Variants in DCLK3 observed in about 807,000 individuals in gnomAD.
DCLK3 encodes the protein serine/threonine-protein kinase DCLK3.
A neutral mutation model predicts 46.4 loss-of-function variants in DCLK3; 30 were observed. The observed-to-expected ratio is 0.65, with a 90% CI of 0.48 to 0.88. The LOEUF is 0.88. Ranked by LOEUF, DCLK3 falls within the 40% of genes least tolerant of loss-of-function variation. The pLI is 0.00. For synonymous variants in DCLK3, 401 were observed against 339.2 expected (o/e 1.18, Z -2.00); for missense variants, 846 against 907.1 (o/e 0.93, Z 0.87).
intron 2 of DCLK3, among the ~76,000 whole-genome samples, chr3:36,731,821 A>G (rs115242116): frequency 5.6e-4 from 85 of 152,150 alleles, no homozygotes; most frequent in African/African-American, 1.9e-3. Context: ...CTCCCCTCAC[A>G]TAAACCCTAA....
chr3:36,727,723 C>T (rs147631390), intron 2 of DCLK3, among the ~76,000 whole-genome samples: 3 of 152,232 alleles, frequency 2.0e-5, no homozygotes, highest in East Asian at 3.9e-4. Context: ...CCAGATGGCC[C>T]GATGTTTTTA....
intron 2 of DCLK3, among the ~76,000 whole-genome samples, chr3:36,726,796 G>C (rs936585933): frequency 6.6e-6 from 1 of 152,142 alleles, no homozygotes; most frequent in African/African-American, 2.4e-5. Flanking sequence ...TCTGCATATA[G>C]AAACTGACAT....
chr3:36,733,053 T>C (rs1701219106), intron 2 of DCLK3, among the ~76,000 whole-genome samples: 1 of 152,206 alleles, frequency 6.6e-6, no homozygotes. Context: ...TGCCCTGTCC[T>C]AGTCATATTC....
intron 1 of DCLK3, among the ~76,000 whole-genome samples, chr3:36,751,989 G>T (rs1701446484): frequency 6.6e-6 from 1 of 152,220 alleles, no homozygotes; most frequent in South Asian, 2.1e-4. Context: ...TCAACATTCT[G>T]TAGGGCCAGC....
chr3:36,715,244 C>A lies in DCLK3; in HGVS notation c.*84G>T, dbSNP rs553268158. The A allele has an allele frequency of 6.1e-6, 9 of 1,484,114 alleles. No homozygotes were observed. In the African/African-American group the frequency reaches 1.1e-4, roughly 19 times the overall value. The allele number at this position is 1,484,114 out of a possible 1,614,324, so 91.9% of individuals were successfully genotyped here. On this transcript the variant is annotated 3_prime_UTR_variant, in exon 5 of 5. Coordinates refer to ENST00000636136, the MANE Select transcript of DCLK3 (RefSeq NM_001394672.2). ...ATTCACCAATTATGTGAAGAAGCCT[C>A]TTTCATTGTTTTTCTCTCAAACTTC...
At chr3:36,746,359 T>C (rs28461770) in intron 1 of DCLK3, among the ~76,000 whole-genome samples, 4,917 of 152,322 alleles carry the variant, frequency 0.032, 276 homozygotes, top group African/African-American at 0.11. Flanking sequence ...CATCTCATGA[T>C]AACTTTGGAG....
chr3:36,752,580 A>G (rs1041719582), intron 1 of DCLK3, among the ~76,000 whole-genome samples: 1 of 152,174 alleles, frequency 6.6e-6, no homozygotes, highest in African/African-American at 2.4e-5. Context: ...GCATATAATT[A>G]CCCAGAGGTG....
chr3:36,760,386 A>C (rs1484870977), intron 1 of DCLK3, among the ~76,000 whole-genome samples: 1 of 151,998 alleles, frequency 6.6e-6, no homozygotes, highest in African/African-American at 2.4e-5. Context: ...ACAAAAAACC[A>C]AACACCGCAT....
chr3:36,760,313 A>T (rs1213450651), intron 1 of DCLK3, among the ~76,000 whole-genome samples: 1 of 152,200 alleles, frequency 6.6e-6, no homozygotes, highest in African/African-American at 2.4e-5. Flanking sequence ...AAGAAACAAC[A>T]TCTACATAGT....
intron 1 of DCLK3, among the ~76,000 whole-genome samples, chr3:36,741,739 T>C (rs570081249): frequency 6.6e-6 from 1 of 152,114 alleles, no homozygotes; most frequent in East Asian, 1.9e-4. Context: ...ACTGGTAACA[T>C]GGAGAAATGA....
At chr3:36,731,451 G>GCA (rs55823722) in intron 2 of DCLK3, among the ~76,000 whole-genome samples, 4,012 of 148,640 alleles carry the variant, frequency 0.027, 97 homozygotes, top group East Asian at 0.072. Flanking sequence ...CTTCGTGCGT[G>GCA]CACACACACA....
chr3:36,728,190 C>T (rs1350077736), intron 2 of DCLK3, among the ~76,000 whole-genome samples: 2 of 152,188 alleles, frequency 1.3e-5, no homozygotes, highest in East Asian at 1.9e-4. Context: ...TTTTCTAAAT[C>T]TGCCCTCTCC....
intron 1 of DCLK3, among the ~76,000 whole-genome samples, chr3:36,746,621 C>G (rs1196192676): frequency 6.6e-6 from 1 of 152,200 alleles, no homozygotes. Context: ...GAGCATTTTC[C>G]TCTCTTTCCA....
intron 1 of DCLK3, among the ~76,000 whole-genome samples, chr3:36,745,037 C>T (rs969844171): frequency 1.3e-5 from 2 of 152,188 alleles, no homozygotes; most frequent in South Asian, 2.1e-4. Context: ...CCTGATTCCA[C>T]GATGATCAGC....
intron 1 of DCLK3, among the ~76,000 whole-genome samples, chr3:36,759,839 A>T (rs1232012408): frequency 1.3e-5 from 2 of 152,082 alleles, no homozygotes; most frequent in African/African-American, 4.8e-5. Flanking sequence ...CCCTTTCTTA[A>T]CTCTCTTACC....
intron 1 of DCLK3, among the ~76,000 whole-genome samples, chr3:36,763,650 C>T (rs1042839440): frequency 6.6e-6 from 1 of 152,240 alleles, no homozygotes; most frequent in African/African-American, 2.4e-5. Flanking sequence ...AGCTCCGCTG[C>T]TATGGAGCCG....
At chr3:36,729,247 G>GT (rs767365816) in intron 2 of DCLK3, among the ~76,000 whole-genome samples, 1 of 98,454 alleles carries the variant, frequency 1.0e-5, no homozygotes, top group Non-Finnish European at 2.1e-5. Flanking sequence ...GTGTGTGTGT[G>GT]TGGGGGGGGG....
intron 2 of DCLK3, among the ~76,000 whole-genome samples, chr3:36,730,250 A>G (rs1452090489): frequency 6.6e-6 from 1 of 151,980 alleles, no homozygotes; most frequent in Non-Finnish European, 1.5e-5. Flanking sequence ...ATACCATAAT[A>G]CAAAAGTATG....
intron 1 of DCLK3, among the ~76,000 whole-genome samples, chr3:36,745,268 G>T (rs921936258): frequency 6.6e-6 from 1 of 152,008 alleles, no homozygotes; most frequent in African/African-American, 2.4e-5. Context: ...AATAACTCAC[G>T]TGTCTAATTA....
Sources: gnomAD v4.1 joint callset for allele counts (sites outside exome capture counted in the v4.1 genomes callset) on GRCh38, gnomAD v4.1.1 for gene constraint, MANE v1.5 for transcripts, NCBI Gene and HGNC (gene_info 2026-07-23, HGNC 2026-07-21) for gene names.